The following CCDC141 variants were observed in gnomAD, a reference collection of about 807,000 sequenced individuals.
CCDC141 encodes coiled-coil domain-containing protein 141.
A neutral mutation model predicts 181.0 loss-of-function variants in CCDC141; 168 were observed. The observed-to-expected ratio is 0.93, with a 90% CI of 0.82 to 1.05. The LOEUF (loss-of-function observed/expected upper bound fraction) is 1.05. Ranked by LOEUF, CCDC141 falls within the 50% of genes least tolerant of loss-of-function variation. CCDC141 has a pLI of 0.00. For missense variants in CCDC141, 1,902 were observed against 1,788.5 expected (o/e 1.06, Z -1.14); for synonymous variants, 666 against 642.3 (o/e 1.04, Z -0.56).
At chr2:179,005,314 T>TAA (rs5836667) in intron 2 of CCDC141, among the ~76,000 whole-genome samples, 16 of 150,760 alleles carry the variant, frequency 1.1e-4, no homozygotes, top group South Asian at 2.1e-4. Context: ...TTGGAGAATT[T>TAA]AAAAAAAAAG....
intron 15 of CCDC141, 63 bp downstream of exon 15, chr2:178,869,054 A>G: frequency 8.2e-7 from 1 of 1,214,556 alleles, no homozygotes; most frequent in South Asian, 2.2e-5. Flanking sequence ...ATTATATAAT[A>G]ATTCATTTTT....
chr2:179,012,700 G>T (rs1169496429), intron 2 of CCDC141, among the ~76,000 whole-genome samples: 1 of 152,088 alleles, frequency 6.6e-6, no homozygotes, highest in East Asian at 1.9e-4. Flanking sequence ...GATGAACATA[G>T]ATGCTAAAAT....
intron 7 of CCDC141, among the ~76,000 whole-genome samples, chr2:178,908,909 T>A (rs1268274131): frequency 6.6e-6 from 1 of 152,232 alleles, no homozygotes; most frequent in Non-Finnish European, 1.5e-5. Context: ...TAGTAGGTAC[T>A]TGGAAAATAC....
At position 178,834,209 on chromosome 2, in the gene CCDC141, A is replaced by G; in HGVS notation, c.4557T>C (p.Val1519=). 6.5e-7 allele frequency: 1 copy of G among 1,536,330 alleles called. No individual in the cohort carries two copies. Among genetic ancestry groups the G allele is most frequent in the South Asian group, 1.2e-5 (1 of 84,058 alleles). ...VNWITLCVVY[V]SVSLMYWLLT... ...GGAGCCAGTACATTAGGGACACACT[A>G]ACATAGACGACACACAGGGTTATCC... The change falls in exon 24 of 24, where the codon GTT becomes GTC. Residue 1519 remains valine, a synonymous_variant. Transcript: ENST00000443758.
Position 178,871,572 on chromosome 2 carries a change from G to A in CCDC141, c.2080-20C>T, listed in dbSNP as rs1242229121. 1 of 1,608,530 alleles carries A rather than the reference G, an allele frequency of 6.2e-7. No individual in the cohort carries two copies. The highest frequency in any genetic ancestry group is 1.1e-5 in the South Asian group (1 of 89,954). On this transcript the variant is annotated intron_variant, in intron 13 of 23. Transcript: ENST00000443758. ...AGAAGTCTGAAATAAATATTGGACA[G>A]TTACACATGCATTTTCTTTGACATC...
chr2:178,817,726 A>C, the CCDC141 span: 1 of 314,124 alleles, frequency 3.2e-6, no homozygotes, highest in Non-Finnish European at 6.4e-6. Flanking sequence ...CACATGTGTA[A>C]TATTTTCGTT....
At chr2:178,836,320 G>A (rs970665695) in intron 23 of CCDC141, 1 of 152,538 alleles carries the variant, frequency 6.6e-6, no homozygotes, top group Non-Finnish European at 1.5e-5. Flanking sequence ...TTTCAAAAAT[G>A]AGTTTATTGC....
At position 178,860,810 on chromosome 2, in the gene CCDC141, C is replaced by T. The variant is rs527498281; in HGVS notation, c.2725-4413G>A. ...TGGGAAGACGTGACAATTGCTCTGTCTTAAATTGTAGGTAGCAACAGGCAT... is the reference window on the plus strand; with the variant it reads ...TGGGAAGACGTGACAATTGCTCTGTTTTAAATTGTAGGTAGCAACAGGCAT... On this transcript the variant is annotated intron_variant, in intron 17 of 23. Coordinates refer to ENST00000443758, the MANE Select transcript of CCDC141 (RefSeq NM_173648.4). 3.3e-5 allele frequency among the ~76,000 whole-genome samples: 5 copies of T among 152,046 alleles called. No homozygotes were observed. The South Asian group carries it at 6.2e-4, about 19-fold the overall frequency.
intron 2 of CCDC141, among the ~76,000 whole-genome samples, chr2:179,017,059 G>A (rs1417958445): frequency 6.6e-6 from 1 of 151,942 alleles, no homozygotes; most frequent in African/African-American, 2.4e-5. Flanking sequence ...TCATTTGGCA[G>A]ATTTTATTTT....
intron 2 of CCDC141, among the ~76,000 whole-genome samples, chr2:179,028,711 T>C (rs2042923808): frequency 6.6e-6 from 1 of 152,210 alleles, no homozygotes; most frequent in Admixed American, 6.5e-5. Context: ...TATAATTCAT[T>C]ACTTTATCAA....
intron 4 of CCDC141, among the ~76,000 whole-genome samples, chr2:178,970,156 C>T (rs767709361): frequency 5.9e-5 from 9 of 152,122 alleles, no homozygotes; most frequent in Non-Finnish European, 8.8e-5. Flanking sequence ...CCCATGCTCA[C>T]GGATAGGAAG....
At chr2:178,837,868 C>T (rs1684556914) in intron 22 of CCDC141, 124 bp from the exon 23 acceptor site, 5 of 1,084,338 alleles carry the variant, frequency 4.6e-6, no homozygotes, top group Admixed American at 5.5e-5. Context: ...ATTTAGGGGG[C>T]TGGAGCAAGA....
intron 6 of CCDC141, among the ~76,000 whole-genome samples, chr2:178,938,271 C>T (rs1441981215): frequency 6.6e-6 from 1 of 152,126 alleles, no homozygotes; most frequent in East Asian, 1.9e-4. Context: ...TTAGCTGTGT[C>T]CCAGAGATTC....
rs546682682 is a variant in CCDC141, at chr2:178,980,274, G to A, written c.226-1599C>T. Among the ~76,000 whole-genome samples, 229 of 151,980 alleles carry A rather than the reference G, an allele frequency of 1.5e-3. 2 individuals carry two copies. The highest frequency in any genetic ancestry group is 5.2e-3 in the African/African-American group (217 of 41,490). On this transcript the variant is annotated intron_variant, in intron 2 of 23. Transcript: ENST00000443758. ...ACCATCCTGGCTAACACAGTGAAAC[G>A]CCATCTCTACTACAAATCCAAAAAA...
chr2:178,924,931 G>A (rs1217706393), intron 6 of CCDC141, among the ~76,000 whole-genome samples: 2 of 152,212 alleles, frequency 1.3e-5, no homozygotes, highest in African/African-American at 2.4e-5. Context: ...AGCTTGTTAA[G>A]TAGCTTCAGG....
chr2:178,818,738 T>C, the CCDC141 span, among the ~76,000 whole-genome samples: 2 of 152,222 alleles, frequency 1.3e-5, no homozygotes, highest in East Asian at 1.9e-4. Flanking sequence ...GCAATGAACA[T>C]ACATGGGCAT....
chr2:178,902,115 C>A (rs1687724786), intron 8 of CCDC141, among the ~76,000 whole-genome samples: 1 of 152,164 alleles, frequency 6.6e-6, no homozygotes, highest in African/African-American at 2.4e-5. Flanking sequence ...AGTATACAAA[C>A]AAATGGAAGA....
intron 11 of CCDC141, among the ~76,000 whole-genome samples, 156 bp from the exon 12 acceptor site, chr2:178,878,299 AT>A (rs1243670144): frequency 0.039 from 2,326 of 60,250 alleles, 28 homozygotes; most frequent in Admixed American, 0.06. Flanking sequence ...TTATTTATTT[AT>A]TTTATTTATT....
intron 2 of CCDC141, among the ~76,000 whole-genome samples, chr2:179,030,911 A>G (rs2042981726): frequency 6.6e-6 from 1 of 151,988 alleles, no homozygotes; most frequent in Non-Finnish European, 1.5e-5. Flanking sequence ...CTCTGTATGC[A>G]TTAGTTTGGT....
Sources: gnomAD v4.1 joint callset for allele counts (sites outside exome capture counted in the v4.1 genomes callset) on GRCh38, gnomAD v4.1.1 for gene constraint, MANE v1.5 for transcripts, NCBI Gene and HGNC (gene_info 2026-07-23, HGNC 2026-07-21) for gene names.